The following SEMA4F variants were observed in gnomAD, a reference collection of about 807,000 sequenced individuals.
SEMA4F encodes ssemaphorin 4F.
A neutral mutation model predicts 78.4 loss-of-function variants in SEMA4F; 51 were observed. That is an observed-to-expected ratio of 0.65 (90% CI 0.52 to 0.82). The LOEUF is 0.82. SEMA4F is among the 40% of genes least tolerant of loss of function. The pLI is 0.00. For synonymous variants in SEMA4F, 418 were observed against 408.7 expected (o/e 1.02, Z -0.27); for missense variants, 938 against 1,014.4 (o/e 0.92, Z 1.02).
At chr2:74,695,311 C>A in the SEMA4F span, among the ~76,000 whole-genome samples, 1 of 152,186 alleles carries the variant, frequency 6.6e-6, no homozygotes, top group African/African-American at 2.4e-5. Context: ...AACCTTCAGG[C>A]TCTGTCTCCA....
At chr2:74,656,754 T>A (rs1304126482) in intron 2 of SEMA4F, 69 bp downstream of exon 2, 5 of 1,516,302 alleles carry the variant, frequency 3.3e-6, no homozygotes, top group Non-Finnish European at 4.5e-6. Flanking sequence ...TTTATGAGTG[T>A]GTGTGGGGGA....
rs1166585400 is a variant in SEMA4F, at chr2:74,674,981, C to T, written c.1095C>T (p.Cys365=). ...NGPFRELKHD[C]NRGLPVVDND... ...CCTTCAGAGAACTAAAACATGACTG[C>T]AACAGAGGACTGCCTGTCGTGGACA... is the stretch of plus-strand genomic sequence containing the variant. Residue 365 remains cysteine, a synonymous_variant, in exon 9 of 14, where the codon TGC becomes TGT. Transcript: ENST00000357877. The T allele has an allele frequency of 6.2e-7, 1 of 1,613,812 alleles. No individual in the cohort carries two copies. The highest frequency in any genetic ancestry group is 1.3e-5 in the African/African-American group (1 of 74,820).
At position 74,680,533 on chromosome 2, in the gene SEMA4F, A is replaced by G. The variant is rs1052464774; in HGVS notation, c.*324A>G. 1.3e-5 allele frequency: 3 copies of G among 223,040 alleles called. No homozygotes were observed. The highest frequency in any genetic ancestry group is 5.1e-5 in the Admixed American group (1 of 19,420). 13.8% of individuals were successfully genotyped at this position (223,040 alleles called of 1,614,324 possible). On this transcript the variant is annotated 3_prime_UTR_variant, in exon 14 of 14. Transcript: ENST00000357877. ...GTTTTGGGGATGGGGCACAGGGCAT[A>G]GCTATGACTTTGCTTTCTGGTTGGA...
chr2:74,674,895 G>A lies in SEMA4F; in HGVS notation c.1009G>A (p.Ala337Thr), dbSNP rs146041751. 1,141 of 1,613,888 alleles carry A rather than the reference G, an allele frequency of 7.1e-4. 4 individuals are homozygous for A. The highest frequency in any genetic ancestry group is 5.2e-4 in the Non-Finnish European group (612 of 1,179,974). ...CCAACCTGTGAATTCCAGGGAGGGG[G>A]CTACTATCTCTGCTGTCTGTGCCTT... ...YGIFSSQWEG[A>T]TISAVCAFRP... The change falls in exon 9 of 14, where the codon GCT (alanine) becomes ACT (threonine). Residue 337 changes from alanine to threonine, a missense_variant. Coordinates refer to ENST00000357877, the MANE Select transcript of SEMA4F (RefSeq NM_004263.5).
chr2:74,695,893 C>A, the SEMA4F span, among the ~76,000 whole-genome samples: 32 of 152,214 alleles, frequency 2.1e-4, no homozygotes, highest in African/African-American at 7.7e-4. Flanking sequence ...TAATACAACA[C>A]AGGGTGCGAT....
Position 74,679,767 on chromosome 2 carries a change from G to T in SEMA4F, c.1871G>T (p.Gly624Val). Residue 624 changes from glycine (G) to valine (V), a missense_variant, in exon 14 of 14, where the codon GGC becomes GTC. By Grantham distance (109) the Gly-to-Val change is moderately radical. Transcript: ENST00000357877. The stretch of plus-strand genomic sequence containing the variant: ...GTGGTGGTGACCCCAGGGGCCATGG[G>T]CGCTTATGCCTGTGAATGTCAGGAG... ...LEVVVTPGAM[G>V]AYACECQEGG... 1 of 1,614,198 alleles carries T rather than the reference G, an allele frequency of 6.2e-7. No homozygotes were observed. The highest frequency in any genetic ancestry group is 8.5e-7 in the Non-Finnish European group (1 of 1,180,032).
At chr2:74,693,925 A>G in the SEMA4F span, among the ~76,000 whole-genome samples, 2 of 152,106 alleles carry the variant, frequency 1.3e-5, no homozygotes, top group Non-Finnish European at 2.9e-5. Context: ...CCATAAATCC[A>G]TTATTTTGTA....
At chr2:74,695,312 T>C in the SEMA4F span, among the ~76,000 whole-genome samples, 1 of 152,212 alleles carries the variant, frequency 6.6e-6, no homozygotes, top group African/African-American at 2.4e-5. Flanking sequence ...ACCTTCAGGC[T>C]CTGTCTCCAT....
intron 5 of SEMA4F, among the ~76,000 whole-genome samples, chr2:74,668,876 C>T (rs1429305967): frequency 3.4e-5 from 5 of 149,176 alleles, no homozygotes; most frequent in African/African-American, 4.9e-5. Flanking sequence ...GTTATCCACC[C>T]GCCCCAGCCT....
intron 5 of SEMA4F, among the ~76,000 whole-genome samples, chr2:74,668,595 A>G (rs1013646609): frequency 6.6e-6 from 1 of 151,980 alleles, no homozygotes; most frequent in African/African-American, 2.4e-5. Flanking sequence ...AGGCCAAGGC[A>G]TGTAAAAAAT....
chr2:74,673,851 T>C lies in SEMA4F; in HGVS notation c.822+23T>C, dbSNP rs745857432. 5 of 1,606,178 alleles carry C rather than the reference T, an allele frequency of 3.1e-6. No homozygotes were observed. The Admixed American group carries it at 6.7e-5, about 22-fold the overall frequency. Reference sequence around the variant, plus strand: ...GCGGTGAGACCCCATCCCAGCTGTCTGTCTGTCATCTCCTGCTCTGTCTGT... The same window carrying C: ...GCGGTGAGACCCCATCCCAGCTGTCCGTCTGTCATCTCCTGCTCTGTCTGT... On this transcript the variant is annotated intron_variant, in intron 7 of 13. Transcript: ENST00000357877.
the SEMA4F span, among the ~76,000 whole-genome samples, chr2:74,689,424 C>T: frequency 6.6e-6 from 1 of 152,144 alleles, no homozygotes; most frequent in Non-Finnish European, 1.5e-5. Flanking sequence ...TTAGTACACA[C>T]TCTATGGAGG....
Position 74,675,734 on chromosome 2 carries a change from A to G in SEMA4F, c.1483-15A>G. 1 of 1,613,246 alleles carries G rather than the reference A, an allele frequency of 6.2e-7. No homozygotes were observed. The highest frequency in any genetic ancestry group is 8.5e-7 in the Non-Finnish European group (1 of 1,179,578). On this transcript the variant is annotated splice_polypyrimidine_tract_variant and intron_variant, in intron 11 of 13. Coordinates refer to ENST00000357877, the MANE Select transcript of SEMA4F (RefSeq NM_004263.5). Reference sequence around the variant, plus strand: ...GAGATCCAGTGTATTCCCCTTCCCCACTCCGTTTTTATAGAGCTGGCTCCT... The same window carrying G: ...GAGATCCAGTGTATTCCCCTTCCCCGCTCCGTTTTTATAGAGCTGGCTCCT...
At chr2:74,689,085 A>T in the SEMA4F span, among the ~76,000 whole-genome samples, 12 of 152,112 alleles carry the variant, frequency 7.9e-5, no homozygotes. Context: ...AATCTGAGGA[A>T]CCCAAAGATA....
chr2:74,701,896 A>G, the SEMA4F span, among the ~76,000 whole-genome samples: 1 of 152,202 alleles, frequency 6.6e-6, no homozygotes, highest in Non-Finnish European at 1.5e-5. Flanking sequence ...CCCAGGAAAA[A>G]GGTAATCCCA....
the SEMA4F span, among the ~76,000 whole-genome samples, chr2:74,689,545 A>G: frequency 6.6e-6 from 1 of 152,216 alleles, no homozygotes; most frequent in Non-Finnish European, 1.5e-5. Context: ...GTGCAAAGAC[A>G]TACTTCTAAA....
intron 5 of SEMA4F, among the ~76,000 whole-genome samples, chr2:74,666,791 G>A (rs1445486732): frequency 6.6e-6 from 1 of 152,036 alleles, no homozygotes; most frequent in African/African-American, 2.4e-5. Context: ...TGTCCTTAAA[G>A]ATAATAGCAG....
chr2:74,655,146 A>G (rs1684060996), intron 1 of SEMA4F: 1 of 216,674 alleles, frequency 4.6e-6, no homozygotes, highest in South Asian at 6.3e-5. Context: ...CCATTATTGG[A>G]TCCACGTTAA....
chr2:74,706,490 G>A, the SEMA4F span, among the ~76,000 whole-genome samples: 42,409 of 151,690 alleles, frequency 0.28, 8,850 homozygotes, highest in East Asian at 0.82. Context: ...TGCATAATCA[G>A]GGAGTGAGAT....
Sources: gnomAD v4.1 joint callset for allele counts (sites outside exome capture counted in the v4.1 genomes callset) on GRCh38, gnomAD v4.1.1 for gene constraint, MANE v1.5 for transcripts, NCBI Gene and HGNC (gene_info 2026-07-23, HGNC 2026-07-21) for gene names.